The following ARMC2 variants were observed in gnomAD, a reference collection of about 807,000 sequenced individuals.
ARMC2 encodes armadillo repeat-containing protein 2.
ARMC2 carries 67 observed loss-of-function variants against 90.3 expected under a neutral mutation model. The observed-to-expected ratio is 0.74, with a 90% CI of 0.61 to 0.91. ARMC2 has a LOEUF of 0.91. Among genes scored for constraint, ARMC2 ranks in the 40% least tolerant of loss-of-function variants. The pLI, the probability that ARMC2 is intolerant of heterozygous loss-of-function variation, is 0.00. For synonymous variants in ARMC2, 393 were observed against 393.0 expected (o/e 1.00, Z 0.00); for missense variants, 920 against 1,030.9 (o/e 0.89, Z 1.47).
At chr6:108,957,314 C>T (rs1777666486) in intron 13 of ARMC2, among the ~76,000 whole-genome samples, 1 of 152,232 alleles carries the variant, frequency 6.6e-6, no homozygotes, top group African/African-American at 2.4e-5. Context: ...CTAAGCCCTG[C>T]TAAGCCCTTT....
chr6:108,945,718 A>T (rs1398076037), intron 12 of ARMC2, among the ~76,000 whole-genome samples: 1 of 152,266 alleles, frequency 6.6e-6, no homozygotes, highest in East Asian at 1.9e-4. Flanking sequence ...GTGGTATCAG[A>T]AATGAGAGCT....
Position 108,973,565 on chromosome 6 carries a change from A to G in ARMC2, c.*51A>G. 6.1e-6 allele frequency: 9 copies of G among 1,487,100 alleles called. No individual in the cohort carries two copies. Among genetic ancestry groups the G allele is most frequent in the Non-Finnish European group, 8.2e-6 (9 of 1,103,214 alleles). 92.1% of individuals were successfully genotyped at this position (1,487,100 alleles called of 1,614,324 possible). A position where few individuals can be genotyped will look rare whatever the true frequency, so the allele number is the denominator to read the frequency against. The stretch of plus-strand genomic sequence containing the variant: ...GAGAACTCACGTCTCCCTCATTCTT[A>G]AGAACTGGTAACAAACGTGAACATT... On this transcript the variant is annotated 3_prime_UTR_variant, in exon 18 of 18. Coordinates refer to ENST00000392644, the MANE Select transcript of ARMC2 (RefSeq NM_032131.6).
chr6:109,015,042 C>T, the ARMC2 span, among the ~76,000 whole-genome samples: 2 of 152,076 alleles, frequency 1.3e-5, no homozygotes, highest in Non-Finnish European at 2.9e-5. Context: ...AATTATGTAT[C>T]GAATGAACTC....
chr6:108,938,539 AT>A (rs1489944626), intron 12 of ARMC2, among the ~76,000 whole-genome samples: 3 of 124,642 alleles, frequency 2.4e-5, no homozygotes, highest in African/African-American at 6.0e-5. Flanking sequence ...CTATTTATAT[AT>A]TTTATTTTAT....
chr6:108,894,358 G>T, intron 5 of ARMC2, 109 bp from the exon 6 acceptor site: 1 of 910,094 alleles, frequency 1.1e-6, no homozygotes. Context: ...GACAGAGTGA[G>T]ACCTATCTCA....
At chr6:108,870,553 AAGAGAGGGAAGG>A (rs147455839) in intron 4 of ARMC2, among the ~76,000 whole-genome samples, 16,526 of 150,920 alleles carry the variant, frequency 0.11, 1,185 homozygotes, top group Middle Eastern at 0.18. Context: ...GGAAGGAAGG[AAGAGAGGGAAGG>A]AGAGAGGGAA....
the ARMC2 span, among the ~76,000 whole-genome samples, chr6:109,007,975 C>T: frequency 6.6e-6 from 1 of 152,010 alleles, no homozygotes; most frequent in African/African-American, 2.4e-5. Context: ...TTGTGTTATT[C>T]TTTTTGTAAA....
chr6:108,981,227 T>G, the ARMC2 span, among the ~76,000 whole-genome samples: 1 of 152,134 alleles, frequency 6.6e-6, no homozygotes, highest in Non-Finnish European at 1.5e-5. Context: ...TAACTCATGG[T>G]GGGATCCCAT....
At chr6:108,986,110 C>CTAT in the ARMC2 span, among the ~76,000 whole-genome samples, 1 of 152,166 alleles carries the variant, frequency 6.6e-6, no homozygotes, top group East Asian at 1.9e-4. Context: ...AAACTTAGAG[C>CTAT]TATTTCTACT....
the ARMC2 span, among the ~76,000 whole-genome samples, chr6:109,012,384 G>C: frequency 2.6e-5 from 4 of 151,764 alleles, no homozygotes; most frequent in African/African-American, 9.7e-5. Context: ...CTTTTAAAAA[G>C]ATTTTGGTCA....
intron 3 of ARMC2, among the ~76,000 whole-genome samples, chr6:108,859,928 C>T (rs1289908320): frequency 6.6e-6 from 1 of 150,840 alleles, no homozygotes; most frequent in Non-Finnish European, 1.5e-5. Flanking sequence ...TGCTTGAACT[C>T]GGGAGATGGA....
chr6:109,001,745 C>T, the ARMC2 span, among the ~76,000 whole-genome samples: 1 of 152,076 alleles, frequency 6.6e-6, no homozygotes, highest in Non-Finnish European at 1.5e-5. Context: ...TGGCCAGAAT[C>T]CAGATAAAGA....
chr6:108,898,652 G>A (rs1019832134), intron 6 of ARMC2, among the ~76,000 whole-genome samples: 5 of 152,276 alleles, frequency 3.3e-5, no homozygotes, highest in South Asian at 2.1e-4. Context: ...CCCTTTAGTC[G>A]GCTAGTTTGC....
the ARMC2 span, among the ~76,000 whole-genome samples, chr6:109,032,390 G>A: frequency 9.2e-5 from 14 of 152,168 alleles, no homozygotes; most frequent in East Asian, 1.9e-4. Flanking sequence ...AGGCCGAGGC[G>A]GGCAAATCAC....
intron 4 of ARMC2, among the ~76,000 whole-genome samples, chr6:108,870,741 C>T (rs1213754032): frequency 3.3e-5 from 5 of 152,122 alleles, no homozygotes; most frequent in African/African-American, 1.2e-4. Flanking sequence ...CTTGCTTTAC[C>T]TTGATGTCCC....
intron 4 of ARMC2, among the ~76,000 whole-genome samples, chr6:108,874,846 AAAAG>A (rs1211010950): frequency 3.3e-5 from 5 of 151,982 alleles, no homozygotes; most frequent in African/African-American, 1.2e-4. Context: ...AAAAAAAAAA[AAAAG>A]AAGCCTAGAA....
chr6:109,006,413 A>C, the ARMC2 span, among the ~76,000 whole-genome samples: 1 of 151,748 alleles, frequency 6.6e-6, no homozygotes, highest in African/African-American at 2.4e-5. Flanking sequence ...CTTGTCATTT[A>C]CATTAGGTAT....
At position 108,961,604 on chromosome 6, in the gene ARMC2, G is replaced by A. The variant is rs1480322734; in HGVS notation, c.1948G>A (p.Val650Met). The stretch of plus-strand genomic sequence containing the variant: ...GTCACTTGATGATTGTGAGGAGCTG[G>A]TGATCAATGCTACAGCGACAATCAA... ...YKSLDDCEEL[V>M]INATATINNL... is the part of the protein sequence containing the mutation. The change falls in exon 14 of 18, where the codon GTG becomes ATG. Residue 650 changes from valine to methionine, a missense_variant. Physicochemically the swap from Val to Met is conservative, Grantham distance 21. Transcript: ENST00000392644. 6.2e-7 allele frequency: 1 copy of A among 1,611,334 alleles called. No individual in the cohort carries two copies. Among genetic ancestry groups the A allele is most frequent in the South Asian group, 1.1e-5 (1 of 90,658 alleles).
the ARMC2 span, among the ~76,000 whole-genome samples, chr6:108,981,037 C>CATTATACTTAATGTAAGCTGGTAGAT: frequency 4.4e-4 from 67 of 152,284 alleles, no homozygotes; most frequent in Middle Eastern, 3.4e-3. Context: ...TAAGTATATG[C>CATTATACTTAATGTAAGCTGGTAGAT]TGGTAGATTC....
Sources: allele counts gnomAD v4.1 joint callset (sites outside exome capture counted in the v4.1 genomes callset), GRCh38; gene constraint gnomAD v4.1.1; transcripts MANE v1.5; gene names NCBI Gene and HGNC (gene_info 2026-07-23, HGNC 2026-07-21).